Variants in PTPRC observed in about 807,000 individuals in gnomAD.
PTPRC encodes receptor-type tyrosine-protein phosphatase C.
Under a neutral mutation model 155.9 loss-of-function variants are expected in PTPRC, and 44 were observed. The observed-to-expected ratio is 0.28, with a 90% CI of 0.22 to 0.36. The LOEUF is 0.36. Among genes scored for constraint, PTPRC ranks in the 10% least tolerant of loss-of-function variants. The probability of loss-of-function intolerance (pLI) is 1.00; values close to 1 mark genes in which losing one functional copy is unlikely to be tolerated. For synonymous variants in PTPRC, 525 were observed against 533.1 expected, an observed-to-expected ratio of 0.98 and a Z score of 0.21; for missense variants, 1,401 against 1,564.6, an observed-to-expected ratio of 0.90 and a Z score of 1.76.
At chr1:198,738,252 T>G (rs1654738310) in intron 23 of PTPRC, among the ~76,000 whole-genome samples, 1 of 151,772 alleles carries the variant, frequency 6.6e-6, no homozygotes, top group Admixed American at 6.6e-5. Context: ...AGGCTTTCAG[T>G]TTTTTCTCAT....
chr1:198,705,146 T>G (rs1043607248), intron 8 of PTPRC, among the ~76,000 whole-genome samples: 2 of 152,076 alleles, frequency 1.3e-5, no homozygotes, highest in African/African-American at 4.8e-5. Context: ...TTTTCTTCCT[T>G]GATTCTCAGT....
chr1:198,652,989 G>T (rs567992886), intron 2 of PTPRC, among the ~76,000 whole-genome samples: 1 of 151,798 alleles, frequency 6.6e-6, no homozygotes, highest in South Asian at 2.1e-4. Context: ...TACTTCAAAG[G>T]CAAGAAAATA....
Position 198,683,450 on chromosome 1 carries a change from G to A in PTPRC, c.74-8897G>A, listed in dbSNP as rs115702808. Among the ~76,000 whole-genome samples the A allele has an allele frequency of 2.2e-3, 332 of 152,102 alleles. 2 individuals carry two copies. The highest frequency in any genetic ancestry group is 3.4e-3 in the Middle Eastern group (1 of 294). The stretch of plus-strand genomic sequence containing the variant: ...ATCTGAAGTATATTGCATAAATCAG[G>A]TATATATCCCTGGATTTAGGTAAAT... On this transcript the variant is annotated intron_variant, in intron 2 of 32. Coordinates refer to ENST00000442510, the MANE Select transcript of PTPRC (RefSeq NM_002838.5).
chr1:198,713,257 A>T (rs1653403461), intron 12 of PTPRC, among the ~76,000 whole-genome samples, 185 bp downstream of exon 12: 1 of 152,190 alleles, frequency 6.6e-6, no homozygotes, highest in Non-Finnish European at 1.5e-5. Flanking sequence ...AATGACTAAA[A>T]TCCAGAACAT....
At chr1:198,696,164 G>GAA (rs1022070484) in intron 3 of PTPRC, among the ~76,000 whole-genome samples, 22 of 138,540 alleles carry the variant, frequency 1.6e-4, no homozygotes, top group Non-Finnish European at 2.7e-4. Context: ...GTCTCAAAAA[G>GAA]AAAATATATA....
intron 2 of PTPRC, among the ~76,000 whole-genome samples, chr1:198,675,666 T>C (rs1433378395): frequency 6.6e-6 from 1 of 152,190 alleles, no homozygotes. Context: ...AGACTATTTT[T>C]ATATCTCTGT....
chr1:198,678,799 T>C (rs1022801871), intron 2 of PTPRC, among the ~76,000 whole-genome samples: 1 of 151,916 alleles, frequency 6.6e-6, no homozygotes, highest in African/African-American at 2.4e-5. Flanking sequence ...TGCTTTGCTC[T>C]ATTACTGTGG....
At chr1:198,724,906 A>T (rs1355198906) in intron 15 of PTPRC, among the ~76,000 whole-genome samples, 1 of 152,058 alleles carries the variant, frequency 6.6e-6, no homozygotes, top group East Asian at 1.9e-4. Context: ...GGTTCAAGTG[A>T]TTCTCCTGCT....
intron 2 of PTPRC, among the ~76,000 whole-genome samples, chr1:198,692,024 T>C (rs1390396126): frequency 6.6e-6 from 1 of 152,100 alleles, no homozygotes; most frequent in African/African-American, 2.4e-5. Context: ...AAATAATGCA[T>C]TTGGGAAAAA....
At chr1:198,678,514 G>A (rs1439444217) in intron 2 of PTPRC, among the ~76,000 whole-genome samples, 1 of 152,132 alleles carries the variant, frequency 6.6e-6, no homozygotes, top group African/African-American at 2.4e-5. Context: ...AGATGGCCAT[G>A]CCCCAACAAA....
chr1:198,716,567 C>G (rs1653594329), intron 12 of PTPRC, 115 bp from the exon 13 acceptor site: 1 of 862,814 alleles, frequency 1.2e-6, no homozygotes, highest in Non-Finnish European at 1.9e-6. Context: ...ATTTTTCAAT[C>G]ACTCAATAGT....
At chr1:198,748,923 G>A (rs937446955) in intron 27 of PTPRC, among the ~76,000 whole-genome samples, 4 of 151,662 alleles carry the variant, frequency 2.6e-5, no homozygotes, top group Middle Eastern at 3.6e-3. Flanking sequence ...CAAATCATTT[G>A]ACCAAGTTAT....
intron 11 of PTPRC, among the ~76,000 whole-genome samples, chr1:198,711,281 G>A (rs1264411080): frequency 6.6e-6 from 1 of 152,062 alleles, no homozygotes; most frequent in Non-Finnish European, 1.5e-5. Context: ...AAATTTTAAT[G>A]TATTTTTATT....
At chr1:198,742,053 ACAACAAC>A in intron 24 of PTPRC, 27 bp downstream of exon 24, 1 of 1,572,698 alleles carries the variant, frequency 6.4e-7, no homozygotes, top group African/African-American at 1.4e-5. Context: ...AAAAAAAAAA[ACAACAAC>A]AAAAAAACTC....
At chr1:198,734,138 T>C in intron 20 of PTPRC, 58 bp from the exon 21 acceptor site, 2 of 1,535,482 alleles carry the variant, frequency 1.3e-6, no homozygotes, top group Non-Finnish European at 1.8e-6. Context: ...CAATTTTTCC[T>C]GTTAATGAGT....
At chr1:198,693,914 A>T (rs1212908803) in intron 3 of PTPRC, 32 of 1,367,682 alleles carry the variant, frequency 2.3e-5, no homozygotes, top group Non-Finnish European at 3.1e-5. Flanking sequence ...GGTACTATGT[A>T]TTAGTCTGGG....
At chr1:198,722,225 T>C (rs896539183) in intron 14 of PTPRC, among the ~76,000 whole-genome samples, 191 bp from the exon 15 acceptor site, 2 of 150,528 alleles carry the variant, frequency 1.3e-5, no homozygotes, top group Non-Finnish European at 3.0e-5. Context: ...GATATCTTTT[T>C]GATTGTCTTT....
At chr1:198,650,295 T>G (rs889274614) in intron 2 of PTPRC, among the ~76,000 whole-genome samples, 32 of 151,848 alleles carry the variant, frequency 2.1e-4, no homozygotes, top group African/African-American at 7.3e-4. Flanking sequence ...CTTCTTTCTG[T>G]GTTGAAGAGA....
intron 2 of PTPRC, among the ~76,000 whole-genome samples, chr1:198,680,347 GGAGGCT>G (rs1665243632): frequency 6.6e-6 from 1 of 151,958 alleles, no homozygotes; most frequent in South Asian, 2.1e-4. Flanking sequence ...CATATACTCA[GGAGGCT>G]GAGGCAGGAG....
Sources: allele counts gnomAD v4.1 joint callset (sites outside exome capture counted in the v4.1 genomes callset), GRCh38; gene constraint gnomAD v4.1.1; transcripts MANE v1.5; gene names NCBI Gene and HGNC (gene_info 2026-07-23, HGNC 2026-07-21).